Variants in MITF observed in about 807,000 individuals in gnomAD.
MITF encodes melanocyte inducing transcription factor.
In MITF, 17 loss-of-function variants were observed where a neutral mutation model predicts 60.5. The ratio of observed to expected loss-of-function variants is 0.28; its 90% CI spans 0.19 to 0.42. The LOEUF (loss-of-function observed/expected upper bound fraction) is 0.42, where lower values mean the gene tolerates loss of function less well. MITF is among the 10% of genes least tolerant of loss of function. The pLI is 1.00. For missense variants in MITF, 622 were observed against 683.5 expected, an observed-to-expected ratio of 0.91 and a Z score of 1.00; for synonymous variants, 260 against 248.5, an observed-to-expected ratio of 1.05 and a Z score of -0.43.
intron 2 of MITF, among the ~76,000 whole-genome samples, chr3:69,890,454 C>A (rs115752924): frequency 1.4e-3 from 212 of 152,210 alleles, no homozygotes; most frequent in African/African-American, 5.0e-3. Context: ...AGCATTTAAT[C>A]AATGTTCTTG....
chr3:69,917,877 C>G (rs1004577652), intron 2 of MITF, among the ~76,000 whole-genome samples: 1 of 151,910 alleles, frequency 6.6e-6, no homozygotes, highest in Non-Finnish European at 1.5e-5. Flanking sequence ...AATAAGACAA[C>G]TTTTGCTCCA....
intron 2 of MITF, among the ~76,000 whole-genome samples, chr3:69,905,317 A>C (rs11128146): frequency 0.015 from 2,348 of 152,044 alleles, 27 homozygotes; most frequent in Middle Eastern, 0.052. Flanking sequence ...TCAATATCTC[A>C]TTCCTTTATA....
intron 1 of MITF, among the ~76,000 whole-genome samples, chr3:69,828,914 G>A (rs1230924386): frequency 6.6e-6 from 1 of 150,592 alleles, no homozygotes; most frequent in East Asian, 1.9e-4. Context: ...AAAAACATTG[G>A]CATCTGAATT....
At chr3:69,933,443 C>T (rs1382971710) in intron 2 of MITF, among the ~76,000 whole-genome samples, 2 of 152,060 alleles carry the variant, frequency 1.3e-5, no homozygotes, top group Non-Finnish European at 2.9e-5. Flanking sequence ...GTCAGTTTTA[C>T]CCAGGAAGTG....
intron 1 of MITF, among the ~76,000 whole-genome samples, chr3:69,797,701 C>T (rs530587182): frequency 3.3e-5 from 5 of 152,192 alleles, no homozygotes; most frequent in East Asian, 1.9e-4. Context: ...AAGAATAATA[C>T]GATTCCCCAA....
Position 69,755,433 on chromosome 3 carries a change from G to GTTTTTTTTT in MITF, c.104+15762_104+15770dup, listed in dbSNP as rs542141862. 2.5e-4 allele frequency among the ~76,000 whole-genome samples: 9 copies of GTTTTTTTTT among 35,426 alleles called. 1 individual carries two copies. Among genetic ancestry groups the GTTTTTTTTT allele is most frequent in the African/African-American group, 5.5e-4 (4 of 7,258 alleles). The allele number at this position is 35,426 out of a possible 152,430, so 23.2% of individuals were successfully genotyped here. A position where few individuals can be genotyped will look rare whatever the true frequency, so the allele number is the denominator to read the frequency against. ...ATCTTTGTATCTTTTACCCTTCTGG[G>GTTTTTTTTT]TTTTTTTTTTTTTTTTTTTTTTTTT... On this transcript the variant is annotated intron_variant, in intron 1 of 9. Coordinates refer to ENST00000352241, the MANE Select transcript of MITF (RefSeq NM_001354604.2).
intron 1 of MITF, among the ~76,000 whole-genome samples, chr3:69,842,773 G>A (rs574850121): frequency 1.3e-5 from 2 of 152,158 alleles, no homozygotes; most frequent in East Asian, 3.9e-4. Flanking sequence ...AAAAAAAGCT[G>A]CACTAGCTCT....
chr3:69,821,615 A>T (rs1181806208), intron 1 of MITF, among the ~76,000 whole-genome samples: 1 of 151,234 alleles, frequency 6.6e-6, no homozygotes, highest in Non-Finnish European at 1.5e-5. Context: ...ATTTAAAAAA[A>T]ACTCATAAGT....
chr3:69,901,541 C>T (rs1168075812), intron 2 of MITF, among the ~76,000 whole-genome samples: 1 of 152,050 alleles, frequency 6.6e-6, no homozygotes, highest in Non-Finnish European at 1.5e-5. Context: ...TGTTAGAGTG[C>T]ACTTAGAGTG....
At chr3:69,809,718 A>C (rs1255266221) in intron 1 of MITF, among the ~76,000 whole-genome samples, 3 of 151,812 alleles carry the variant, frequency 2.0e-5, no homozygotes, top group African/African-American at 7.3e-5. Flanking sequence ...TTAGCCAAGT[A>C]ATGAGATGTT....
chr3:69,899,676 A>C lies in MITF; in HGVS notation c.354+20293A>C, dbSNP rs570154610. Among the ~76,000 whole-genome samples the C allele has an allele frequency of 7.9e-5, 12 of 152,300 alleles. No individual in the cohort carries two copies. The South Asian group carries it at 2.5e-3, about 32-fold the overall frequency. On this transcript the variant is annotated intron_variant, in intron 2 of 9. Transcript: ENST00000352241. ...TAACTTATGCCTGCCTTGGCAGAAG[A>C]ACATGAAGGTTTCTCCTAAAACCCA...
chr3:69,804,301 C>T (rs1039876112), intron 1 of MITF, among the ~76,000 whole-genome samples: 3 of 151,292 alleles, frequency 2.0e-5, no homozygotes, highest in Admixed American at 1.3e-4. Flanking sequence ...TCCCATTTCC[C>T]TCCCCTTCCT....
intron 1 of MITF, among the ~76,000 whole-genome samples, chr3:69,827,132 C>A (rs1003298585): frequency 1.3e-5 from 2 of 152,166 alleles, no homozygotes; most frequent in African/African-American, 4.8e-5. Context: ...CAGTGTAACC[C>A]ATCCTATCTG....
At position 69,965,606 on chromosome 3, in the gene MITF, G is replaced by A; in HGVS notation, c.*358G>A. On this transcript the variant is annotated 3_prime_UTR_variant, in exon 10 of 10. Transcript: ENST00000352241. The stretch of plus-strand genomic sequence containing the variant: ...GATTTTTATGCCTGTGACTTCCTTG[G>A]AAATCAAATGTAAAGTTTAATTGAA... The A allele has an allele frequency of 8.1e-6, 2 of 246,472 alleles. No individual in the cohort carries two copies. Among genetic ancestry groups the A allele is most frequent in the East Asian group, 5.9e-5 (1 of 16,988 alleles). The allele number at this position is 246,472 out of a possible 1,614,324, so 15.3% of individuals were successfully genotyped here. A position where few individuals can be genotyped will look rare whatever the true frequency, so the allele number is the denominator to read the frequency against.
chr3:69,959,269 G>A lies in MITF; in HGVS notation c.1032-4G>A, dbSNP rs199779059. On this transcript the variant is annotated splice_region_variant and splice_polypyrimidine_tract_variant and intron_variant, in intron 8 of 9. Transcript: ENST00000352241. ...ATATCTGTTTTCCTCCATTTTCATCGCAGAGACATGCGCTGGAACAAGGGA... is the reference window on the plus strand; with the variant it reads ...ATATCTGTTTTCCTCCATTTTCATCACAGAGACATGCGCTGGAACAAGGGA... The A allele has an allele frequency of 3.8e-5, 61 of 1,613,734 alleles. No individual in the cohort carries two copies. The highest frequency in any genetic ancestry group is 2.0e-4 in the East Asian group (9 of 44,850).
intron 2 of MITF, among the ~76,000 whole-genome samples, chr3:69,905,838 C>T (rs1332643090): frequency 6.6e-6 from 1 of 152,032 alleles, no homozygotes; most frequent in Admixed American, 6.6e-5. Flanking sequence ...TGTTTCTTAA[C>T]TGAGCTGTTT....
chr3:69,747,377 G>A (rs2106756948), intron 1 of MITF, among the ~76,000 whole-genome samples: 1 of 152,348 alleles, frequency 6.6e-6, no homozygotes, highest in East Asian at 1.9e-4. Context: ...AGGCAAGACT[G>A]AATATCTGAC....
At chr3:69,803,549 C>G (rs1320406326) in intron 1 of MITF, among the ~76,000 whole-genome samples, 1 of 151,890 alleles carries the variant, frequency 6.6e-6, no homozygotes, top group Non-Finnish European at 1.5e-5. Context: ...TCATAAAGTA[C>G]CTAATTTCCC....
intron 2 of MITF, among the ~76,000 whole-genome samples, chr3:69,899,769 G>A (rs747296481): frequency 6.6e-6 from 1 of 152,132 alleles, no homozygotes; most frequent in Non-Finnish European, 1.5e-5. Context: ...GACTGCATAA[G>A]CTATAACTTC....
Sources: gnomAD v4.1 joint callset for allele counts (sites outside exome capture counted in the v4.1 genomes callset) on GRCh38, gnomAD v4.1.1 for gene constraint, MANE v1.5 for transcripts, NCBI Gene and HGNC (gene_info 2026-07-23, HGNC 2026-07-21) for gene names.